Variants in SKIL observed in about 807,000 individuals in gnomAD.
SKIL encodes the protein SKI like proto-oncogene.
SKIL carries 20 observed loss-of-function variants against 69.6 expected under a neutral mutation model. The observed-to-expected ratio is 0.29, with a 90% CI of 0.20 to 0.42. The LOEUF (loss-of-function observed/expected upper bound fraction) is 0.42, where lower values mean the gene tolerates loss of function less well. SKIL is among the 10% of genes least tolerant of loss of function. The pLI is 1.00. For missense variants in SKIL, 745 were observed against 783.1 expected (o/e 0.95, Z 0.58); for synonymous variants, 310 against 279.9 (o/e 1.11, Z -1.08).
Position 170,381,323 on chromosome 3 carries a change from ATTCATT to A in SKIL, c.1181_1186del (p.Ser394_Phe395del). The A allele has an allele frequency of 6.4e-7, 1 of 1,568,940 alleles. No homozygotes were observed. Among genetic ancestry groups the A allele is most frequent in the Non-Finnish European group, 8.8e-7 (1 of 1,138,914 alleles). ...GAAGGTGACCATGTTTCTCAGACAC[ATTCATT>A]TTTACACCCCAGGTGAGTTGGTATT... On this transcript the variant is annotated inframe_deletion, in exon 3 of 7. Transcript: ENST00000259119.
At position 170,387,933 on chromosome 3, in the gene SKIL, C is replaced by CAAAA. The variant is rs541166783; in HGVS notation, c.1430-2269_1430-2266dup. ...TGGGCGACAGAGCGAGACTCCGTCT[C>CAAAA]AAAAAAAAAAAAAAAAAAAAAAAAG... On this transcript the variant is annotated intron_variant, in intron 4 of 6. Coordinates refer to ENST00000259119, the MANE Select transcript of SKIL (RefSeq NM_005414.5). 2.2e-3 allele frequency among the ~76,000 whole-genome samples: 112 copies of CAAAA among 50,986 alleles called. 4 individuals carry two copies. The highest frequency in any genetic ancestry group is 5.9e-3 in the African/African-American group (74 of 12,550). 33.4% of individuals were successfully genotyped at this position (50,986 alleles called of 152,430 possible). A position where few individuals can be genotyped will look rare whatever the true frequency, so the allele number is the denominator to read the frequency against.
At chr3:170,375,725 T>C (rs1736999539) in intron 2 of SKIL, among the ~76,000 whole-genome samples, 1 of 150,240 alleles carries the variant, frequency 6.7e-6, no homozygotes, top group Admixed American at 6.7e-5. Context: ...CAGGCATGCG[T>C]CACCACGGCT....
chr3:170,361,533 C>A, intron 2 of SKIL, 104 bp downstream of exon 2: 1 of 864,758 alleles, frequency 1.2e-6, no homozygotes, highest in Non-Finnish European at 1.8e-6. Flanking sequence ...ATTGCTCATG[C>A]AACAACAACA....
intron 2 of SKIL, among the ~76,000 whole-genome samples, chr3:170,369,456 C>T (rs116786102): frequency 0.027 from 4,178 of 152,002 alleles, 66 homozygotes; most frequent in Middle Eastern, 0.054. Flanking sequence ...GGCTGGAGTG[C>T]AATAAGGCAA....
intron 2 of SKIL, among the ~76,000 whole-genome samples, chr3:170,364,850 T>C (rs1182707037): frequency 6.6e-6 from 1 of 152,226 alleles, no homozygotes; most frequent in Admixed American, 6.5e-5. Context: ...AATTCACTGA[T>C]TTGAATACAT....
intron 1 of SKIL, among the ~76,000 whole-genome samples, chr3:170,359,131 A>G (rs1157380793): frequency 6.6e-6 from 1 of 152,232 alleles, no homozygotes; most frequent in South Asian, 2.1e-4. Flanking sequence ...GATCTGCTTA[A>G]GAGTCTTCAT....
At chr3:170,365,362 A>G (rs748937181) in intron 2 of SKIL, among the ~76,000 whole-genome samples, 4 of 152,190 alleles carry the variant, frequency 2.6e-5, no homozygotes, top group Non-Finnish European at 5.9e-5. Flanking sequence ...GAGCATCCCA[A>G]ATCCAAAATC....
In SKIL at chr3:170,392,200, T is replaced by C. The variant is rs1250624141; in HGVS notation, c.1897-59T>C. ...TTGAAAATAGATATTTTCTATGATATGAGGATTAAATGGAAAAACAAAACA... is the reference window on the plus strand; with the variant it reads ...TTGAAAATAGATATTTTCTATGATACGAGGATTAAATGGAAAAACAAAACA... On this transcript the variant is annotated intron_variant, in intron 6 of 6. Coordinates refer to ENST00000259119, the MANE Select transcript of SKIL (RefSeq NM_005414.5). 11 of 1,323,392 alleles carry C rather than the reference T, an allele frequency of 8.3e-6. No individual in the cohort carries two copies. In the African/African-American group the frequency reaches 8.9e-5, roughly 11 times the overall value. 82.0% of individuals were successfully genotyped at this position (1,323,392 alleles called of 1,614,324 possible). A position where few individuals can be genotyped will look rare whatever the true frequency, so the allele number is the denominator to read the frequency against.
intron 2 of SKIL, among the ~76,000 whole-genome samples, chr3:170,362,470 C>G (rs1437118759): frequency 1.3e-5 from 2 of 152,000 alleles, no homozygotes; most frequent in Admixed American, 1.3e-4. Flanking sequence ...CCATTGCGCT[C>G]CAGCGTAGGC....
chr3:170,377,404 T>TA (rs1737084882), intron 2 of SKIL, among the ~76,000 whole-genome samples: 1 of 150,538 alleles, frequency 6.6e-6, no homozygotes, highest in Non-Finnish European at 1.5e-5. Context: ...AGGCCTTTTT[T>TA]TTTTTTTTTA....
intron 5 of SKIL, 106 bp downstream of exon 5, chr3:170,390,570 T>A: frequency 1.2e-6 from 1 of 830,474 alleles, no homozygotes; most frequent in Non-Finnish European, 1.9e-6. Context: ...CACTGAAACC[T>A]CCACCTCACA....
At chr3:170,363,086 T>G (rs1460771140) in intron 2 of SKIL, among the ~76,000 whole-genome samples, 1 of 152,078 alleles carries the variant, frequency 6.6e-6, no homozygotes, top group Non-Finnish European at 1.5e-5. Context: ...ATATATAATT[T>G]TATTTAATTC....
chr3:170,381,066 A>G (rs937750994), intron 2 of SKIL, among the ~76,000 whole-genome samples, 178 bp from the exon 3 acceptor site: 1 of 150,632 alleles, frequency 6.6e-6, no homozygotes, highest in African/African-American at 2.4e-5. Flanking sequence ...GGCTTAAGGA[A>G]TCTTCCCCAC....
intron 4 of SKIL, among the ~76,000 whole-genome samples, chr3:170,387,174 C>T (rs550101332): frequency 1.5e-4 from 23 of 152,064 alleles, no homozygotes; most frequent in Admixed American, 2.0e-4. Flanking sequence ...TGTGTCACCA[C>T]GCCTGGCTAA....
At chr3:170,388,014 GT>G (rs1049932483) in intron 4 of SKIL, among the ~76,000 whole-genome samples, 5 of 148,208 alleles carry the variant, frequency 3.4e-5, no homozygotes, top group Non-Finnish European at 7.4e-5. Context: ...TATATTTTCA[GT>G]TTTTTTTTGG....
rs67009367 is a variant in SKIL, at chr3:170,392,630, TAA to T, written c.*219_*220del. On this transcript the variant is annotated 3_prime_UTR_variant, in exon 7 of 7. Transcript: ENST00000259119. ...AAATGTATGTTTCTTTGTACTTTTTTAAAAAAATCAGCTTAGTAACAATACTA... is the reference window on the plus strand; with the variant it reads ...AAATGTATGTTTCTTTGTACTTTTTTAAAAATCAGCTTAGTAACAATACTA... 0.12 allele frequency: 40,840 copies of T among 328,492 alleles called. 3,414 individuals carry two copies. Among genetic ancestry groups the T allele is most frequent in the East Asian group, 0.32 (6,238 of 19,748 alleles). 20.3% of individuals were successfully genotyped at this position (328,492 alleles called of 1,614,324 possible). A position where few individuals can be genotyped will look rare whatever the true frequency, so the allele number is the denominator to read the frequency against.
intron 3 of SKIL, among the ~76,000 whole-genome samples, chr3:170,382,079 CAAAA>C (rs977918410): frequency 6.9e-6 from 1 of 145,350 alleles, no homozygotes; most frequent in Admixed American, 6.9e-5. Flanking sequence ...AAAACTGTCT[CAAAA>C]AAAAAGAAAA....
chr3:170,363,421 A>G (rs1184147230), intron 2 of SKIL, among the ~76,000 whole-genome samples: 1 of 152,098 alleles, frequency 6.6e-6, no homozygotes, highest in African/African-American at 2.4e-5. Flanking sequence ...CCAGAAGACC[A>G]GCACTTTGAA....
chr3:170,359,024 CTGT>C (rs1427361275), intron 1 of SKIL, among the ~76,000 whole-genome samples: 3 of 152,012 alleles, frequency 2.0e-5, no homozygotes, highest in Admixed American at 6.6e-5. Context: ...TTGGATGAAA[CTGT>C]TGTTTTGTTT....
Sources: allele counts gnomAD v4.1 joint callset (sites outside exome capture counted in the v4.1 genomes callset), GRCh38; gene constraint gnomAD v4.1.1; transcripts MANE v1.5; gene names NCBI Gene and HGNC (gene_info 2026-07-23, HGNC 2026-07-21).